SNTG1: variants seen among roughly 807,000 people sequenced by gnomAD.
The protein encoded by SNTG1 is syntrophin gamma 1.
SNTG1 carries 39 observed loss-of-function variants against 74.7 expected under a neutral mutation model. The ratio of observed to expected loss-of-function variants is 0.52; its 90% confidence interval spans 0.40 to 0.68. The LOEUF is 0.68. Among genes scored for constraint, SNTG1 ranks in the 30% least tolerant of loss-of-function variants. SNTG1 has a pLI of 0.00. For synonymous variants in SNTG1, 254 were observed against 217.1 expected (o/e 1.17, Z -1.49); for missense variants, 685 against 609.5 (o/e 1.12, Z -1.30).
At chr8:50,104,294 G>T (rs531006897) in intron 1 of SNTG1, among the ~76,000 whole-genome samples, 1 of 152,256 alleles carries the variant, frequency 6.6e-6, no homozygotes, top group Non-Finnish European at 1.5e-5. Flanking sequence ...TCTTGGGAGG[G>T]TGTATGTGTC....
At chr8:50,132,403 C>T (rs1037069302) in intron 1 of SNTG1, among the ~76,000 whole-genome samples, 2 of 152,016 alleles carry the variant, frequency 1.3e-5, no homozygotes, top group Non-Finnish European at 2.9e-5. Context: ...GTGACAAAAC[C>T]TCTCCACCTG....
intron 2 of SNTG1, among the ~76,000 whole-genome samples, chr8:50,216,920 A>G (rs1456286160): frequency 6.6e-6 from 1 of 152,046 alleles, no homozygotes; most frequent in South Asian, 2.1e-4. Context: ...TAGTCAACAT[A>G]CCAGATAGTA....
chr8:50,602,894 A>G (rs1457676633), intron 13 of SNTG1, among the ~76,000 whole-genome samples: 1 of 147,284 alleles, frequency 6.8e-6, no homozygotes, highest in Non-Finnish European at 1.5e-5. Context: ...GCTCCACTGT[A>G]AGGTATTTTT....
In SNTG1 at chr8:50,146,237, GC is replaced by G. The variant is rs2081859355; in HGVS notation, c.-102-26322del. On this transcript the variant is annotated intron_variant, in intron 1 of 18. Transcript: ENST00000642720. ...AAATGCTTAAAAGTGGGAATGCTTG[GC>G]CAGGTGTGGTGGCTCATGCCTGTAA... Among the ~76,000 whole-genome samples the G allele has an allele frequency of 2.0e-5, 3 of 152,062 alleles. No individual in the cohort carries two copies. The South Asian group carries it at 6.2e-4, about 31-fold the overall frequency.
chr8:50,508,821 C>A (rs955670591), intron 9 of SNTG1, among the ~76,000 whole-genome samples: 4 of 151,888 alleles, frequency 2.6e-5, no homozygotes, highest in African/African-American at 9.7e-5. Flanking sequence ...TGGATATTAG[C>A]CCTTTTTCAG....
intron 1 of SNTG1, among the ~76,000 whole-genome samples, chr8:49,969,756 T>A (rs1811487500): frequency 6.6e-6 from 1 of 152,084 alleles, no homozygotes; most frequent in South Asian, 2.1e-4. Flanking sequence ...GGGGTCAGGT[T>A]AAAGAAGAGA....
At chr8:50,075,325 G>A (rs573727028) in intron 1 of SNTG1, among the ~76,000 whole-genome samples, 77 of 152,278 alleles carry the variant, frequency 5.1e-4, no homozygotes, top group African/African-American at 1.7e-3. Flanking sequence ...CTCCTGAGTC[G>A]GGAGGAGACT....
intron 1 of SNTG1, among the ~76,000 whole-genome samples, chr8:50,135,657 C>T (rs746403291): frequency 5.9e-5 from 9 of 151,928 alleles, no homozygotes; most frequent in Non-Finnish European, 8.8e-5. Context: ...TTTTATTTCT[C>T]TGCTTTTAAA....
intron 1 of SNTG1, among the ~76,000 whole-genome samples, chr8:50,037,065 C>A (rs1421206367): frequency 1.3e-5 from 2 of 152,182 alleles, no homozygotes; most frequent in Non-Finnish European, 2.9e-5. Context: ...TGCTTTTCAG[C>A]ACTGGGTGGT....
chr8:50,132,035 A>AT (rs1451473938), intron 1 of SNTG1, among the ~76,000 whole-genome samples: 3 of 151,780 alleles, frequency 2.0e-5, no homozygotes, highest in Non-Finnish European at 4.4e-5. Context: ...CCATCAGTCT[A>AT]TTTTTCTGTT....
At chr8:50,138,180 C>A (rs140873576) in intron 1 of SNTG1, among the ~76,000 whole-genome samples, 3 of 151,996 alleles carry the variant, frequency 2.0e-5, no homozygotes, top group Non-Finnish European at 4.4e-5. Context: ...AACGACGTCA[C>A]GGCAAGACAC....
At chr8:49,951,483 C>A (rs556867271) in intron 1 of SNTG1, among the ~76,000 whole-genome samples, 69 of 152,104 alleles carry the variant, frequency 4.5e-4, no homozygotes, top group Admixed American at 1.4e-3. Context: ...AATGGGAAAC[C>A]TGATTCCTTA....
chr8:50,515,133 A>G (rs1483133922), intron 9 of SNTG1, among the ~76,000 whole-genome samples: 1 of 152,146 alleles, frequency 6.6e-6, no homozygotes, highest in Non-Finnish European at 1.5e-5. Context: ...TCTGTAGTTG[A>G]CAGCATACAT....
intron 13 of SNTG1, among the ~76,000 whole-genome samples, chr8:50,648,244 G>T (rs1331414077): frequency 6.6e-6 from 1 of 152,118 alleles, no homozygotes; most frequent in East Asian, 1.9e-4. Flanking sequence ...ATACAGTGAT[G>T]ATATTTCTGG....
rs1205600380 is a variant in SNTG1, at chr8:50,593,097, T to C, written c.849+2180T>C. Among the ~76,000 whole-genome samples the C allele has an allele frequency of 4.2e-3, 645 of 152,290 alleles. 9 individuals are homozygous for C. Among genetic ancestry groups the C allele is most frequent in the African/African-American group, 0.014 (583 of 41,554 alleles). ...CCTCATATTCCTGATGTTCTAGGTA[T>C]CAAAACAGAAATTAAAAGTCACCCA... is the stretch of plus-strand genomic sequence containing the variant. On this transcript the variant is annotated intron_variant, in intron 13 of 18. Coordinates refer to ENST00000642720, the MANE Select transcript of SNTG1 (RefSeq NM_018967.5).
intron 1 of SNTG1, among the ~76,000 whole-genome samples, chr8:50,104,657 G>A (rs1488854732): frequency 4.6e-5 from 7 of 151,918 alleles, no homozygotes; most frequent in Non-Finnish European, 7.4e-5. Context: ...GTGATGTTAC[G>A]GTGTCAATTT....
chr8:50,104,030 G>A (rs1475603587), intron 1 of SNTG1, among the ~76,000 whole-genome samples: 2 of 152,122 alleles, frequency 1.3e-5, no homozygotes, highest in Non-Finnish European at 2.9e-5. Context: ...CTCTTTTTTG[G>A]TTGTGTCTCT....
intron 9 of SNTG1, among the ~76,000 whole-genome samples, chr8:50,526,954 G>A (rs1182110051): frequency 6.6e-6 from 1 of 152,076 alleles, no homozygotes; most frequent in Non-Finnish European, 1.5e-5. Flanking sequence ...AACTCCCACT[G>A]TGTTCCCCAG....
intron 4 of SNTG1, among the ~76,000 whole-genome samples, chr8:50,421,055 G>GT (rs1393688851): frequency 1.6e-5 from 2 of 122,886 alleles, no homozygotes; most frequent in African/African-American, 5.7e-5. Flanking sequence ...GCGGGGGAGG[G>GT]GGGGGCGAAG....
Sources: gnomAD v4.1 joint callset for allele counts (sites outside exome capture counted in the v4.1 genomes callset) on GRCh38, gnomAD v4.1.1 for gene constraint, MANE v1.5 for transcripts, NCBI Gene and HGNC (gene_info 2026-07-23, HGNC 2026-07-21) for gene names.